ST18: variants seen among roughly 807,000 people sequenced by gnomAD.
ST18 encodes the protein suppression of tumorigenicity 18 protein.
Under a neutral mutation model 110.0 loss-of-function variants are expected in ST18, and 50 were observed. The observed-to-expected ratio is 0.45, with a 90% confidence interval of 0.36 to 0.58. The LOEUF (loss-of-function observed/expected upper bound fraction) is 0.58. Among genes scored for constraint, ST18 ranks in the 20% least tolerant of loss-of-function variants. The probability of loss-of-function intolerance (pLI) is 0.00; values close to 1 mark genes in which losing one functional copy is unlikely to be tolerated. For missense variants in ST18, 1,306 were observed against 1,280.1 expected, an observed-to-expected ratio of 1.02 and a Z score of -0.31; for synonymous variants, 461 against 452.4, an observed-to-expected ratio of 1.02 and a Z score of -0.24.
At chr8:52,338,494 G>A (rs888843878) in intron 2 of ST18, among the ~76,000 whole-genome samples, 8 of 151,996 alleles carry the variant, frequency 5.3e-5, no homozygotes, top group Non-Finnish European at 1.0e-4. Flanking sequence ...GTACATCTCA[G>A]TTCACTGCAG....
intron 2 of ST18, among the ~76,000 whole-genome samples, chr8:52,400,299 A>G (rs897853162): frequency 2.0e-5 from 3 of 152,110 alleles, no homozygotes; most frequent in African/African-American, 2.4e-5. Flanking sequence ...GTATGTCCCT[A>G]AAGCTACAAT....
At chr8:52,193,509 T>C (rs1206548043) in intron 8 of ST18, among the ~76,000 whole-genome samples, 1 of 152,238 alleles carries the variant, frequency 6.6e-6, no homozygotes, top group Admixed American at 6.5e-5. Context: ...AAGCCTTCCA[T>C]AGAACCTGCA....
At chr8:52,349,799 A>G (rs1302604754) in intron 2 of ST18, among the ~76,000 whole-genome samples, 1 of 152,142 alleles carries the variant, frequency 6.6e-6, no homozygotes, top group South Asian at 2.1e-4. Flanking sequence ...AAGAGACTGC[A>G]AAGGTGTGAG....
chr8:52,380,260 G>T (rs1165806571), intron 2 of ST18, among the ~76,000 whole-genome samples: 1 of 152,054 alleles, frequency 6.6e-6, no homozygotes, highest in East Asian at 1.9e-4. Context: ...ATACAATACA[G>T]AACTATAAAT....
At chr8:52,128,458 T>TTG (rs2047945462) in intron 22 of ST18, among the ~76,000 whole-genome samples, 1 of 152,192 alleles carries the variant, frequency 6.6e-6, no homozygotes, top group Non-Finnish European at 1.5e-5. Context: ...ACATCCATAA[T>TTG]TGTGTGTGTG....
At chr8:52,189,384 T>C (rs1396067163) in intron 8 of ST18, among the ~76,000 whole-genome samples, 1 of 152,168 alleles carries the variant, frequency 6.6e-6, no homozygotes, top group Non-Finnish European at 1.5e-5. Context: ...TGGCCCACAC[T>C]AATCAGTGAT....
chr8:52,142,850 C>T, intron 17 of ST18, 80 bp downstream of exon 17: 1 of 1,078,294 alleles, frequency 9.3e-7, no homozygotes, highest in Non-Finnish European at 1.4e-6. Flanking sequence ...ACTGTATAAG[C>T]CAGGATATTG....
intron 2 of ST18, among the ~76,000 whole-genome samples, chr8:52,321,222 A>G (rs1803758369): frequency 6.6e-6 from 1 of 152,160 alleles, no homozygotes; most frequent in Non-Finnish European, 1.5e-5. Context: ...TGGAGGGGAC[A>G]AGGGGGCGTG....
chr8:52,189,075 C>T (rs1180298017), intron 8 of ST18, among the ~76,000 whole-genome samples: 1 of 152,206 alleles, frequency 6.6e-6, no homozygotes, highest in South Asian at 2.1e-4. Context: ...AAATTAGTCC[C>T]CTTCTCCCTG....
At chr8:52,388,793 C>G (rs906152116) in intron 2 of ST18, among the ~76,000 whole-genome samples, 3 of 122,446 alleles carry the variant, frequency 2.5e-5, no homozygotes, top group East Asian at 2.3e-4. Context: ...GGAAGGGGAA[C>G]ATCACACTCC....
At chr8:52,128,353 AT>A (rs1431651127) in intron 22 of ST18, among the ~76,000 whole-genome samples, 1 of 152,204 alleles carries the variant, frequency 6.6e-6, no homozygotes, top group Non-Finnish European at 1.5e-5. Flanking sequence ...ATTGCTTACA[AT>A]ATATTATTAC....
chr8:52,323,976 C>A (rs1396636935), intron 2 of ST18, among the ~76,000 whole-genome samples: 1 of 152,258 alleles, frequency 6.6e-6, no homozygotes, highest in Non-Finnish European at 1.5e-5. Flanking sequence ...CCCCTTACCA[C>A]TGGGGCACAT....
chr8:52,121,900 C>T (rs560535043), intron 23 of ST18, among the ~76,000 whole-genome samples: 76 of 152,298 alleles, frequency 5.0e-4, no homozygotes, highest in African/African-American at 1.8e-3. Flanking sequence ...GGCTGCAGTA[C>T]AGGAGTGCAA....
At chr8:52,392,478 A>G (rs1362344714) in intron 2 of ST18, among the ~76,000 whole-genome samples, 1 of 152,192 alleles carries the variant, frequency 6.6e-6, no homozygotes, top group African/African-American at 2.4e-5. Context: ...AGAATAGGGA[A>G]GACATTGCCT....
intron 2 of ST18, among the ~76,000 whole-genome samples, chr8:52,360,057 A>G (rs1191763168): frequency 6.6e-6 from 1 of 152,136 alleles, no homozygotes; most frequent in Non-Finnish European, 1.5e-5. Flanking sequence ...AGTATGAGAA[A>G]CTAATTTAAA....
At chr8:52,142,156 G>T (rs1316090219) in intron 17 of ST18, among the ~76,000 whole-genome samples, 1 of 152,134 alleles carries the variant, frequency 6.6e-6, no homozygotes, top group Non-Finnish European at 1.5e-5. Flanking sequence ...GGTCCCTGGA[G>T]ATCGGTCTGG....
intron 3 of ST18, among the ~76,000 whole-genome samples, chr8:52,228,003 G>C (rs1019255040): frequency 2.6e-5 from 4 of 152,186 alleles, no homozygotes; most frequent in Non-Finnish European, 5.9e-5. Flanking sequence ...TCAGATGCTT[G>C]AGATAATTGT....
intron 16 of ST18, among the ~76,000 whole-genome samples, chr8:52,146,650 G>T (rs1364442367): frequency 8.6e-5 from 13 of 151,958 alleles, no homozygotes; most frequent in Admixed American, 7.2e-4. Flanking sequence ...GTATTTTATT[G>T]CACGTGGTAT....
intron 17 of ST18, among the ~76,000 whole-genome samples, chr8:52,141,071 G>A (rs1347996673): frequency 6.6e-6 from 1 of 152,162 alleles, no homozygotes; most frequent in African/African-American, 2.4e-5. Context: ...CAGCATGTTT[G>A]GAACCATCCG....
Sources: allele counts gnomAD v4.1 joint callset (sites outside exome capture counted in the v4.1 genomes callset), GRCh38; gene constraint gnomAD v4.1.1; transcripts MANE v1.5; gene names NCBI Gene and HGNC (gene_info 2026-07-23, HGNC 2026-07-21).